Variants in ESRRG observed in about 807,000 individuals in gnomAD.
ESRRG encodes the protein estrogen-related receptor gamma.
A neutral mutation model predicts 44.0 loss-of-function variants in ESRRG; 13 were observed. That is an observed-to-expected ratio of 0.30 (90% CI 0.19 to 0.47). The LOEUF is 0.47. Among genes scored for constraint, ESRRG ranks in the 20% least tolerant of loss-of-function variants. ESRRG has a pLI of 1.00. For missense variants in ESRRG, 395 were observed against 580.6 expected (o/e 0.68, Z 3.29); for synonymous variants, 215 against 214.6 (o/e 1.00, Z -0.02).
At chr1:216,540,415 G>A (rs2052358442) in intron 5 of ESRRG, among the ~76,000 whole-genome samples, 1 of 151,852 alleles carries the variant, frequency 6.6e-6, no homozygotes, top group African/African-American at 2.4e-5. Flanking sequence ...ATAGACAAGG[G>A]ACCTTATTTA....
In ESRRG at chr1:217,058,864, AC is replaced by A. The variant is rs1419048111; in HGVS notation, c.-106+30642del. ...TAATAAGAACTCATAAGTTCATAAAACATAATACAATAAACTATAGATATTA... is the reference window on the plus strand; with the variant it reads ...TAATAAGAACTCATAAGTTCATAAAAATAATACAATAAACTATAGATATTA... On this transcript the variant is annotated intron_variant, in intron 1 of 7. Transcript: ENST00000359162. Among the ~76,000 whole-genome samples, 12 of 144,612 alleles carry A rather than the reference AC, an allele frequency of 8.3e-5. No individual in the cohort carries two copies. In the East Asian group the frequency reaches 2.7e-3, roughly 32 times the overall value. 94.9% of individuals were successfully genotyped at this position (144,612 alleles called of 152,430 possible). A position where few individuals can be genotyped will look rare whatever the true frequency, so the allele number is the denominator to read the frequency against.
chr1:216,900,002 A>C (rs903214719), intron 2 of ESRRG, among the ~76,000 whole-genome samples: 1 of 152,232 alleles, frequency 6.6e-6, no homozygotes, highest in Non-Finnish European at 1.5e-5. Context: ...ATCACAATGC[A>C]CTAGACAGGT....
intron 1 of ESRRG, among the ~76,000 whole-genome samples, chr1:217,041,465 T>C (rs1189405535): frequency 6.6e-6 from 1 of 152,128 alleles, no homozygotes; most frequent in South Asian, 2.1e-4. Context: ...TACTACATAG[T>C]TTTTTAAAAA....
intron 1 of ESRRG, among the ~76,000 whole-genome samples, chr1:216,696,007 T>C (rs1012676238): frequency 4.6e-5 from 7 of 152,220 alleles, no homozygotes; most frequent in Admixed American, 3.9e-4. Flanking sequence ...GATGCTTGGA[T>C]GATTCTCTCT....
chr1:216,553,823 AT>A (rs1362423877), intron 5 of ESRRG, among the ~76,000 whole-genome samples: 1 of 152,154 alleles, frequency 6.6e-6, no homozygotes, highest in Non-Finnish European at 1.5e-5. Context: ...GGAAAAAAAA[AT>A]AACCTGGCAA....
intron 5 of ESRRG, among the ~76,000 whole-genome samples, chr1:216,542,081 AG>A (rs2053032776): frequency 6.8e-6 from 1 of 146,090 alleles, no homozygotes; most frequent in Non-Finnish European, 1.5e-5. Flanking sequence ...ACAGAGAGAG[AG>A]AGAGAGAGAG....
At chr1:216,999,868 G>A (rs1393789034) in intron 1 of ESRRG, among the ~76,000 whole-genome samples, 3 of 152,186 alleles carry the variant, frequency 2.0e-5, no homozygotes, top group Non-Finnish European at 4.4e-5. Context: ...CATCTTCAAT[G>A]TGAAAAGATT....
chr1:217,037,689 A>G (rs1379838775), intron 1 of ESRRG, among the ~76,000 whole-genome samples: 1 of 152,152 alleles, frequency 6.6e-6, no homozygotes, highest in Non-Finnish European at 1.5e-5. Context: ...GTCTCAACTC[A>G]TTTCAGCATT....
intron 3 of ESRRG, among the ~76,000 whole-genome samples, chr1:216,578,197 A>G (rs2062041321): frequency 6.6e-6 from 1 of 152,092 alleles, no homozygotes; most frequent in South Asian, 2.1e-4. Context: ...GGAAAAGAAT[A>G]GTTCAATAGA....
chr1:216,765,532 A>T (rs1328304556), intron 2 of ESRRG, among the ~76,000 whole-genome samples: 1 of 152,058 alleles, frequency 6.6e-6, no homozygotes. Flanking sequence ...TAGTTTATCA[A>T]GTTTATCAAG....
intron 3 of ESRRG, among the ~76,000 whole-genome samples, chr1:216,605,363 TTATC>T (rs1434537469): frequency 2.0e-5 from 3 of 151,796 alleles, no homozygotes; most frequent in Non-Finnish European, 4.4e-5. Context: ...TTGCAAAAGA[TTATC>T]AATCATTCTA....
intron 1 of ESRRG, among the ~76,000 whole-genome samples, chr1:217,096,261 G>C (rs981489003): frequency 2.0e-5 from 3 of 152,144 alleles, no homozygotes; most frequent in African/African-American, 7.2e-5. Flanking sequence ...TCACTGCCTG[G>C]TTTTAGAAGG....
intron 2 of ESRRG, among the ~76,000 whole-genome samples, chr1:216,843,251 T>C (rs1186785068): frequency 1.3e-5 from 2 of 152,162 alleles, no homozygotes; most frequent in East Asian, 1.9e-4. Context: ...TGTGAGGCTA[T>C]TTTTGCTACT....
At chr1:216,769,610 T>G (rs1019371423) in intron 2 of ESRRG, among the ~76,000 whole-genome samples, 52 of 152,174 alleles carry the variant, frequency 3.4e-4, no homozygotes, top group African/African-American at 1.3e-3. Context: ...ATTTACATAG[T>G]CAAGAAACAG....
At chr1:216,669,021 G>A (rs1437435112) in intron 2 of ESRRG, among the ~76,000 whole-genome samples, 2 of 151,946 alleles carry the variant, frequency 1.3e-5, no homozygotes, top group African/African-American at 4.8e-5. Context: ...CCCAAACTAC[G>A]ACCAACAGGT....
At chr1:216,788,191 G>A (rs1219453724) in intron 2 of ESRRG, among the ~76,000 whole-genome samples, 2 of 152,152 alleles carry the variant, frequency 1.3e-5, no homozygotes, top group African/African-American at 4.8e-5. Flanking sequence ...TGTAGATGAA[G>A]CAGTCTTCTA....
chr1:216,646,968 G>A (rs1054899648), intron 3 of ESRRG, among the ~76,000 whole-genome samples: 13 of 152,058 alleles, frequency 8.5e-5, no homozygotes, highest in African/African-American at 3.1e-4. Context: ...TAAACATCAA[G>A]ACACCCTTTA....
At position 217,073,259 on chromosome 1, in the gene ESRRG, T is replaced by G. The variant is rs565332443; in HGVS notation, c.-106+16248A>C. Reference sequence around the variant, plus strand: ...CATGAAGAATGTATTGCTTTCTACATGCAACTGCCAAAAACCCAACTGTAG... The same window carrying G: ...CATGAAGAATGTATTGCTTTCTACAGGCAACTGCCAAAAACCCAACTGTAG... On this transcript the variant is annotated intron_variant, in intron 1 of 7. Coordinates refer to the ESRRG transcript ENST00000359162. 2.8e-5 allele frequency among the ~76,000 whole-genome samples: 4 copies of G among 142,084 alleles called. No individual in the cohort carries two copies. In the South Asian group the frequency reaches 9.3e-4, roughly 33 times the overall value. The allele number at this position is 142,084 out of a possible 152,430, so 93.2% of individuals were successfully genotyped here. A position where few individuals can be genotyped will look rare whatever the true frequency, so the allele number is the denominator to read the frequency against.
At chr1:216,803,822 C>G (rs1576721724) in intron 2 of ESRRG, among the ~76,000 whole-genome samples, 1 of 152,158 alleles carries the variant, frequency 6.6e-6, no homozygotes, top group East Asian at 1.9e-4. Context: ...AAAAATTACC[C>G]ACTGTTAAGA....
Sources: allele counts gnomAD v4.1 joint callset (sites outside exome capture counted in the v4.1 genomes callset), GRCh38; gene constraint gnomAD v4.1.1; transcripts MANE v1.5; gene names NCBI Gene and HGNC (gene_info 2026-07-23, HGNC 2026-07-21).